The following PPP6C variants were observed in gnomAD, a reference collection of about 807,000 sequenced individuals.
PPP6C encodes the protein protein phosphatase 6 catalytic subunit.
PPP6C carries 11 observed loss-of-function variants against 39.8 expected under a neutral mutation model. The observed-to-expected ratio is 0.28, with a 90% CI of 0.17 to 0.46. PPP6C has a LOEUF of 0.46. PPP6C is among the 20% of genes least tolerant of loss of function. The pLI is 1.00. For missense variants in PPP6C, 211 were observed against 373.9 expected (o/e 0.56, Z 3.59); for synonymous variants, 129 against 130.3 (o/e 0.99, Z 0.07).
chr9:125,187,201 C>T (rs1829548877), intron 1 of PPP6C, among the ~76,000 whole-genome samples: 1 of 151,790 alleles, frequency 6.6e-6, no homozygotes, highest in Non-Finnish European at 1.5e-5. Context: ...CCTGCCTCAG[C>T]CACCCAAAGT....
intron 1 of PPP6C, among the ~76,000 whole-genome samples, chr9:125,179,407 G>C (rs1013805448): frequency 6.6e-6 from 1 of 152,022 alleles, no homozygotes; most frequent in Non-Finnish European, 1.5e-5. Context: ...GTTTTGATTT[G>C]TTTAGGTTTG....
rs759022445 is a variant in PPP6C, at chr9:125,149,748, T to C, written c.843A>G (p.Glu281=). 1.2e-6 allele frequency: 2 copies of C among 1,614,058 alleles called. No individual in the cohort carries two copies. Among genetic ancestry groups the C allele is most frequent in the African/African-American group, 2.7e-5 (2 of 74,922 alleles). Residue 281 remains glutamate (E), a synonymous_variant, in exon 7 of 7, where the codon GAA becomes GAG. Coordinates refer to ENST00000373547, the MANE Select transcript of PPP6C (RefSeq NM_002721.5). ...IMVFKDVNTR[E]PKLFRAVPDS... ...CTGGAACTGCCCGGAATAACTTTGG[T>C]TCTCTTGTATTTACATCTTTGAAGA...
chr9:125,154,969 G>A (rs879910257), intron 4 of PPP6C, among the ~76,000 whole-genome samples: 3 of 152,146 alleles, frequency 2.0e-5, no homozygotes, highest in Non-Finnish European at 2.9e-5. Context: ...CAGCAGTGGC[G>A]CGATCACAGC....
intron 1 of PPP6C, among the ~76,000 whole-genome samples, chr9:125,188,650 G>A (rs926029376): frequency 1.2e-4 from 19 of 152,020 alleles, no homozygotes; most frequent in Non-Finnish European, 1.9e-4. Context: ...CGGGCGTCGT[G>A]ACGGGCGCCT....
chr9:125,153,746 G>C lies in PPP6C; in HGVS notation c.460-4C>G, dbSNP rs202114246. ...ACAAAATCTGCTCATCTATTAACTAGCAAAAAAGGATAACAAAGAGTTGAA... is the reference window on the plus strand; with the variant it reads ...ACAAAATCTGCTCATCTATTAACTACCAAAAAAGGATAACAAAGAGTTGAA... On this transcript the variant is annotated splice_polypyrimidine_tract_variant and splice_region_variant and intron_variant, in intron 5 of 6. Coordinates refer to ENST00000373547, the MANE Select transcript of PPP6C (RefSeq NM_002721.5). 262 of 1,610,572 alleles carry C rather than the reference G, an allele frequency of 1.6e-4. No homozygotes were observed. Among genetic ancestry groups the C allele is most frequent in the African/African-American group, 4.7e-4 (35 of 74,782 alleles).
intron 6 of PPP6C, chr9:125,151,350 C>A: frequency 1.5e-6 from 2 of 1,302,984 alleles, no homozygotes; most frequent in Non-Finnish European, 2.2e-6. Flanking sequence ...CTTCTCTCAG[C>A]TGGAGTCACC....
chr9:125,160,164 T>C lies in PPP6C; in HGVS notation c.237+677A>G, dbSNP rs74309944. On this transcript the variant is annotated intron_variant, in intron 3 of 6. Transcript: ENST00000373547. ...ATGTGTATGTGTGTATATTAATCCA[T>C]CCATAGATTAACGAGAGATAAAAAT... Among the ~76,000 whole-genome samples the C allele has an allele frequency of 0.018, 2,809 of 152,278 alleles. 161 individuals are homozygous for C. In the East Asian group the frequency reaches 0.23, roughly 12 times the overall value.
chr9:125,179,655 CTT>C (rs56221170), intron 1 of PPP6C, among the ~76,000 whole-genome samples: 51 of 132,378 alleles, frequency 3.9e-4, no homozygotes, highest in Non-Finnish European at 4.7e-4. Flanking sequence ...TTCTCTCTCT[CTT>C]TTTTTTTTTT....
intron 2 of PPP6C, among the ~76,000 whole-genome samples, chr9:125,166,000 T>A (rs1483816256): frequency 1.3e-5 from 2 of 152,004 alleles, no homozygotes; most frequent in Non-Finnish European, 2.9e-5. Flanking sequence ...TTTCACCATG[T>A]TGCTCAGGCT....
chr9:125,154,894 C>T (rs1214662941), intron 4 of PPP6C, among the ~76,000 whole-genome samples: 2 of 152,166 alleles, frequency 1.3e-5, no homozygotes, highest in Non-Finnish European at 2.9e-5. Flanking sequence ...CTGCTGCCTA[C>T]GTAGTTTTTT....
At chr9:125,171,441 C>T (rs1032319286) in intron 1 of PPP6C, among the ~76,000 whole-genome samples, 3 of 131,980 alleles carry the variant, frequency 2.3e-5, no homozygotes, top group Admixed American at 8.8e-5. Context: ...ATGTTTTTCA[C>T]CAAACACACA....
At chr9:125,151,247 A>G (rs922476296) in intron 6 of PPP6C, 46 of 1,503,550 alleles carry the variant, frequency 3.1e-5, no homozygotes, top group African/African-American at 6.9e-5. Context: ...AGTCGACCGC[A>G]TGGTGCTTGT....
rs1414213535 is a variant in PPP6C at position 125,148,710 on chromosome 9, CTGGAT to C, written c.*958_*962del. The C allele has an allele frequency of 6.6e-6, 1 of 152,166 alleles. No individual in the cohort carries two copies. The highest frequency in any genetic ancestry group is 1.5e-5 in the Non-Finnish European group (1 of 68,016). 9.4% of individuals were successfully genotyped at this position (152,166 alleles called of 1,614,324 possible). A position where few individuals can be genotyped will look rare whatever the true frequency, so the allele number is the denominator to read the frequency against. On this transcript the variant is annotated 3_prime_UTR_variant, in exon 7 of 7. Transcript: ENST00000373547. ...AATAATACTCATGATAGATTGTAAA[CTGGAT>C]TGATCACATTCTACTCAACTGGTAT...
intron 3 of PPP6C, among the ~76,000 whole-genome samples, chr9:125,158,650 C>T (rs535120327): frequency 6.6e-6 from 1 of 151,254 alleles, no homozygotes. Flanking sequence ...AAAAAAAAAA[C>T]CACCATTTTT....
In PPP6C at chr9:125,171,166, G is replaced by T; in HGVS notation, c.90C>A (p.Tyr30Ter). ...ACTCTTCTAAGAGGAGGTCACAAACGTAGTCACATAGCCGCTATAAAAAGA... is the reference window on the plus strand; with the variant it reads ...ACTCTTCTAAGAGGAGGTCACAAACTTAGTCACATAGCCGCTATAAAAAGA... ...PENDLKRLCD[Y>*]VCDLLLEESN... Residue 30 changes from tyrosine to a stop codon, truncating the protein, a stop_gained, in exon 2 of 7, where the codon TAC (tyrosine) becomes TAA (stop). Transcript: ENST00000373547. LOFTEE classifies it high-confidence loss of function. 1 of 1,590,922 alleles carries T rather than the reference G, an allele frequency of 6.3e-7. No homozygotes were observed. Among genetic ancestry groups the T allele is most frequent in the Non-Finnish European group, 8.6e-7 (1 of 1,162,682 alleles).
intron 2 of PPP6C, among the ~76,000 whole-genome samples, chr9:125,165,795 C>T (rs368981795): frequency 1.6e-4 from 18 of 113,600 alleles, no homozygotes; most frequent in South Asian, 5.8e-4. Context: ...TAATCTTTTG[C>T]TTTTTTTTTT....
intron 6 of PPP6C, chr9:125,151,500 T>TG: frequency 1.3e-6 from 1 of 790,630 alleles, no homozygotes; most frequent in Non-Finnish European, 2.3e-6. Context: ...AAAATACAGG[T>TG]GATCAACATC....
chr9:125,151,002 C>A, intron 6 of PPP6C: 1 of 1,361,836 alleles, frequency 7.3e-7, no homozygotes, highest in South Asian at 1.2e-5. Context: ...CTGTGGCAGG[C>A]GCAGATCATA....
At chr9:125,182,909 G>A (rs1829448152) in intron 1 of PPP6C, among the ~76,000 whole-genome samples, 1 of 151,870 alleles carries the variant, frequency 6.6e-6, no homozygotes, top group Non-Finnish European at 1.5e-5. Context: ...TATTAGAACA[G>A]TGTTTAGAGC....
Sources: gnomAD v4.1 joint callset for allele counts (sites outside exome capture counted in the v4.1 genomes callset) on GRCh38, gnomAD v4.1.1 for gene constraint, MANE v1.5 for transcripts, NCBI Gene and HGNC (gene_info 2026-07-23, HGNC 2026-07-21) for gene names.